The following MAGI3 variants were observed in gnomAD, a reference collection of about 807,000 sequenced individuals.
MAGI3 encodes membrane associated guanylate kinase, WW and PDZ domain containing 3, also known as membrane-associated guanylate kinase, WW and PDZ domain-containing protein 3.
In MAGI3, 43 loss-of-function variants were observed where a neutral mutation model predicts 121.8. The observed-to-expected ratio is 0.35, with a 90% CI of 0.28 to 0.46. The LOEUF (loss-of-function observed/expected upper bound fraction) is 0.46, where lower values mean the gene tolerates loss of function less well. Ranked by LOEUF, MAGI3 falls within the 20% of genes least tolerant of loss-of-function variation. The pLI, the probability that MAGI3 is intolerant of heterozygous loss-of-function variation, is 1.00. For missense variants in MAGI3, 1,547 were observed against 1,797.3 expected (o/e 0.86, Z 2.52); for synonymous variants, 553 against 639.3 (o/e 0.86, Z 2.04).
intron 1 of MAGI3, among the ~76,000 whole-genome samples, chr1:113,523,336 C>T (rs1658292842): frequency 6.6e-6 from 1 of 152,120 alleles, no homozygotes; most frequent in Admixed American, 6.5e-5. Flanking sequence ...GTGGAAGTGA[C>T]GTTGGAACTT....
intron 2 of MAGI3, among the ~76,000 whole-genome samples, chr1:113,552,717 A>G (rs12074958): frequency 0.22 from 34,217 of 152,092 alleles, 4,940 homozygotes; most frequent in East Asian, 0.65. Context: ...ACAGGGTCCA[A>G]GCAGCTGTAG....
intron 2 of MAGI3, among the ~76,000 whole-genome samples, chr1:113,577,147 G>GAC (rs1309702932): frequency 3.3e-5 from 5 of 152,210 alleles, no homozygotes; most frequent in African/African-American, 1.2e-4. Context: ...TATCATCAGA[G>GAC]ACACACAAGA....
At chr1:113,465,078 T>C (rs1655213592) in intron 1 of MAGI3, among the ~76,000 whole-genome samples, 1 of 152,184 alleles carries the variant, frequency 6.6e-6, no homozygotes, top group Non-Finnish European at 1.5e-5. Flanking sequence ...CCCAGGTCAG[T>C]GTCCTGGAGC....
intron 12 of MAGI3, among the ~76,000 whole-genome samples, chr1:113,647,625 C>A (rs1652923077): frequency 6.6e-6 from 1 of 151,978 alleles, no homozygotes; most frequent in Admixed American, 6.6e-5. Context: ...TTTATTTGTT[C>A]TTAGAAAGAG....
chr1:113,580,681 C>T lies in MAGI3; in HGVS notation c.553+20C>T, dbSNP rs760170611. 3 of 1,574,490 alleles carry T rather than the reference C, an allele frequency of 1.9e-6. No homozygotes were observed. The highest frequency in any genetic ancestry group is 2.7e-5 in the African/African-American group (2 of 72,968). ...ATGATGGTATGTCCCCAAATAACAT[C>T]ACTACCACCCAAAAAACTATCTGAA... is the stretch of plus-strand genomic sequence containing the variant. On this transcript the variant is annotated intron_variant, in intron 3 of 20. Coordinates refer to ENST00000307546, the MANE Select transcript of MAGI3 (RefSeq NM_001142782.2).
chr1:113,391,319 G>A lies in MAGI3; in HGVS notation c.286G>A (p.Glu96Lys). The change falls in exon 1 of 21, where the codon GAG (glutamate) becomes AAG (lysine). Residue 96 changes from glutamate to lysine, a missense_variant. Glu to Lys is a moderately conservative substitution (Grantham distance 56). Transcript: ENST00000307546. The surrounding 1 kb of genome is among the most constrained non-coding windows in gnomAD (Gnocchi z 4.4). Reference protein sequence around the residue: ...DTLAVIRHFREPIRLKTVKPG... With the variant: ...DTLAVIRHFRKPIRLKTVKPG... ...CCTGGCTGTCATCCGCCACTTCCGC[G>A]AGCCCATCCGTCTCAAGACTGTGAA... 1 of 1,598,078 alleles carries A rather than the reference G, an allele frequency of 6.3e-7. No individual in the cohort carries two copies.
chr1:113,641,821 T>C, intron 9 of MAGI3, 90 bp from the exon 10 acceptor site: 3 of 1,222,750 alleles, frequency 2.5e-6, no homozygotes, highest in Non-Finnish European at 3.3e-6. Flanking sequence ...TCAAATTTAG[T>C]TGCTAAATTG....
rs1356151226 is a variant in MAGI3 at position 113,572,447 on chromosome 1, G to T, written c.434-8095G>T. 9.8e-5 allele frequency among the ~76,000 whole-genome samples: 15 copies of T among 152,288 alleles called. No homozygotes were observed. In the South Asian group the frequency reaches 2.9e-3, roughly 29 times the overall value. On this transcript the variant is annotated intron_variant, in intron 2 of 20. Coordinates refer to ENST00000307546, the MANE Select transcript of MAGI3 (RefSeq NM_001142782.2). Reference sequence around the variant, plus strand: ...AGGAGTCCCTCTTTTTCTATTGTTTGGAAGAGTTTCAAAAGGAATGGTACC... The same window carrying T: ...AGGAGTCCCTCTTTTTCTATTGTTTTGAAGAGTTTCAAAAGGAATGGTACC...
At chr1:113,620,766 A>T (rs946092343) in intron 8 of MAGI3, among the ~76,000 whole-genome samples, 1 of 152,218 alleles carries the variant, frequency 6.6e-6, no homozygotes, top group Admixed American at 6.5e-5. Context: ...AGTAGTAGTT[A>T]TAATGGTAAG....
chr1:113,440,113 A>G (rs1158184140), intron 1 of MAGI3, among the ~76,000 whole-genome samples: 1 of 152,160 alleles, frequency 6.6e-6, no homozygotes, highest in Non-Finnish European at 1.5e-5. Context: ...GGTTGTTATC[A>G]TTATTTACTT....
chr1:113,511,348 A>T (rs1377672887), intron 1 of MAGI3, among the ~76,000 whole-genome samples: 3 of 152,254 alleles, frequency 2.0e-5, no homozygotes, highest in Non-Finnish European at 4.4e-5. Flanking sequence ...ATAGCCCAAG[A>T]GAGTTATCTA....
chr1:113,441,796 G>A (rs372953265), intron 1 of MAGI3, among the ~76,000 whole-genome samples: 7 of 152,198 alleles, frequency 4.6e-5, no homozygotes, highest in African/African-American at 9.6e-5. Flanking sequence ...TGGAAGATTC[G>A]TCTTGGTTGC....
At chr1:113,513,195 T>G (rs74988614) in intron 1 of MAGI3, among the ~76,000 whole-genome samples, 22,936 of 152,066 alleles carry the variant, frequency 0.15, 2,755 homozygotes, top group East Asian at 0.63. Context: ...AAAATGGCCA[T>G]ACTGCCCAAG....
At chr1:113,538,334 T>C (rs182685749) in intron 1 of MAGI3, among the ~76,000 whole-genome samples, 142 of 152,336 alleles carry the variant, frequency 9.3e-4, no homozygotes, top group African/African-American at 3.3e-3. Context: ...AACCCAGTTA[T>C]TATGTTTTCA....
At chr1:113,494,187 A>G (rs1362771556) in intron 1 of MAGI3, among the ~76,000 whole-genome samples, 2 of 152,254 alleles carry the variant, frequency 1.3e-5, no homozygotes, top group Non-Finnish European at 2.9e-5. Context: ...GCGGCCATCA[A>G]GAAGAACGAT....
intron 1 of MAGI3, among the ~76,000 whole-genome samples, chr1:113,533,924 A>T (rs11102649): frequency 6.6e-6 from 1 of 150,660 alleles, no homozygotes; most frequent in African/African-American, 2.4e-5. Flanking sequence ...ATTTCTTTTT[A>T]ATTTTTGAGT....
At chr1:113,416,447 T>TTTATATATCAA (rs1369122967) in intron 1 of MAGI3, among the ~76,000 whole-genome samples, 39 of 1,924 alleles carry the variant, frequency 0.02, no homozygotes, top group African/African-American at 0.081. Context: ...TTATATATGA[T>TTTATATATCAA]TTATATATTA....
chr1:113,568,322 T>A (rs1660519664), intron 2 of MAGI3, among the ~76,000 whole-genome samples: 1 of 152,092 alleles, frequency 6.6e-6, no homozygotes, highest in African/African-American at 2.4e-5. Context: ...GTAAGTCCTC[T>A]ATAGTGTGAA....
At chr1:113,572,722 G>C (rs1196462675) in intron 2 of MAGI3, among the ~76,000 whole-genome samples, 1 of 152,164 alleles carries the variant, frequency 6.6e-6, no homozygotes, top group Non-Finnish European at 1.5e-5. Context: ...TTGTATTTCT[G>C]TGGGATCAGT....
Sources: allele counts gnomAD v4.1 joint callset (sites outside exome capture counted in the v4.1 genomes callset), GRCh38; gene constraint gnomAD v4.1.1; non-coding constraint Gnocchi (gnomAD v3.1); transcripts MANE v1.5; gene names NCBI Gene and HGNC (gene_info 2026-07-23, HGNC 2026-07-21).